Variants in DTD1 observed in about 807,000 individuals in gnomAD.
DTD1 encodes D-aminoacyl-tRNA deacylase 1.
A neutral mutation model predicts 25.6 loss-of-function variants in DTD1; 13 were observed. That is an observed-to-expected ratio of 0.51 (90% CI 0.33 to 0.81). The LOEUF is 0.81. Among genes scored for constraint, DTD1 ranks in the 30% least tolerant of loss-of-function variants. The pLI is 0.02. For missense variants in DTD1, 193 were observed against 266.4 expected (o/e 0.72, Z 1.92); for synonymous variants, 110 against 103.6 (o/e 1.06, Z -0.37).
chr20:18,594,975 A>T (rs1352925626), intron 2 of DTD1, among the ~76,000 whole-genome samples: 1 of 152,212 alleles, frequency 6.6e-6, no homozygotes, highest in Non-Finnish European at 1.5e-5. Flanking sequence ...TAGTATTTAT[A>T]GAGTCTTTGA....
Position 18,681,114 on chromosome 20 carries a change from G to A in DTD1, c.477+52881G>A, listed in dbSNP as rs116055818. 4.9e-3 allele frequency among the ~76,000 whole-genome samples: 752 copies of A among 152,272 alleles called. 9 individuals carry two copies. Among genetic ancestry groups the A allele is most frequent in the African/African-American group, 0.017 (724 of 41,536 alleles). On this transcript the variant is annotated intron_variant, in intron 4 of 5. Transcript: ENST00000377452. ...GTTGTTGTGTGTTTCTACGCCGGGT[G>A]AGTGGTTTGGAGCTTTTTATCTGAG...
chr20:18,594,321 C>T (rs1017923816), intron 2 of DTD1, among the ~76,000 whole-genome samples: 17 of 152,122 alleles, frequency 1.1e-4, no homozygotes, highest in African/African-American at 4.1e-4. Flanking sequence ...GATCTTTTTA[C>T]TAAGGTGGTG....
intron 4 of DTD1, chr20:18,631,752 A>G: frequency 1.0e-6 from 1 of 985,132 alleles, no homozygotes; most frequent in South Asian, 4.7e-5. Context: ...CTCTGGTTTT[A>G]TTTGATCATT....
At chr20:18,596,306 AGCT>A in intron 3 of DTD1, 65 bp downstream of exon 3, 1 of 1,343,336 alleles carries the variant, frequency 7.4e-7, no homozygotes, top group Non-Finnish European at 1.0e-6. Context: ...AGAAAAAAGA[AGCT>A]GCAACTGCAG....
At chr20:18,593,596 C>T (rs930600651) in intron 1 of DTD1, 135 bp from the exon 2 acceptor site, 17 of 632,478 alleles carry the variant, frequency 2.7e-5, no homozygotes, top group African/African-American at 1.3e-4. Flanking sequence ...TTTTCATTTT[C>T]GAATACGTAC....
At chr20:18,613,164 T>C (rs1338661124) in intron 3 of DTD1, among the ~76,000 whole-genome samples, 4 of 152,178 alleles carry the variant, frequency 2.6e-5, no homozygotes, top group African/African-American at 9.6e-5. Context: ...GGAGATGTTA[T>C]TGGTTCCATT....
chr20:18,631,424 T>C (rs1361571401), intron 4 of DTD1: 1 of 985,752 alleles, frequency 1.0e-6, no homozygotes, highest in African/African-American at 1.7e-5. Flanking sequence ...CTCAGCAGCT[T>C]CCTGGAAGCC....
chr20:18,713,772 C>T (rs578161947), intron 4 of DTD1, among the ~76,000 whole-genome samples: 1 of 152,356 alleles, frequency 6.6e-6, no homozygotes, highest in Admixed American at 6.5e-5. Context: ...TTGAAGGCTG[C>T]ACTGAAGACC....
intron 4 of DTD1, among the ~76,000 whole-genome samples, chr20:18,732,897 C>T (rs1222471610): frequency 6.6e-6 from 1 of 152,174 alleles, no homozygotes; most frequent in Non-Finnish European, 1.5e-5. Flanking sequence ...AATATGTAGA[C>T]ACGTAAACCA....
At chr20:18,592,219 A>G (rs1323070630) in intron 1 of DTD1, 2 of 152,256 alleles carry the variant, frequency 1.3e-5, no homozygotes, top group Non-Finnish European at 2.9e-5. Context: ...TCCGATTAGC[A>G]CATTAGGTCA....
intron 2 of DTD1, among the ~76,000 whole-genome samples, chr20:18,594,238 A>G (rs544614813): frequency 3.0e-4 from 46 of 152,262 alleles, no homozygotes; most frequent in African/African-American, 1.1e-3. Flanking sequence ...TGCTTGCCCC[A>G]GATCATGCAC....
intron 4 of DTD1, among the ~76,000 whole-genome samples, chr20:18,719,092 A>G (rs550481266): frequency 2.0e-5 from 3 of 152,358 alleles, no homozygotes; most frequent in South Asian, 2.1e-4. Context: ...TATGTTTTCA[A>G]CTTACAATGG....
At chr20:18,748,339 A>G (rs1419859595) in intron 5 of DTD1, among the ~76,000 whole-genome samples, 1 of 152,182 alleles carries the variant, frequency 6.6e-6, no homozygotes, top group East Asian at 1.9e-4. Flanking sequence ...TTTTTGCTTT[A>G]TATCTGATCA....
intron 1 of DTD1, chr20:18,588,972 T>C: frequency 1.3e-6 from 1 of 747,192 alleles, no homozygotes; most frequent in Non-Finnish European, 1.6e-6. Context: ...AACTATATTG[T>C]TTCAGTTCAA....
chr20:18,750,192 A>G (rs949847619), intron 5 of DTD1, among the ~76,000 whole-genome samples: 3 of 152,150 alleles, frequency 2.0e-5, no homozygotes, highest in Admixed American at 6.5e-5. Flanking sequence ...TGGCATTCCA[A>G]TGATATATTT....
chr20:18,639,182 GAAA>G (rs56353252), intron 4 of DTD1, among the ~76,000 whole-genome samples: 1 of 118,250 alleles, frequency 8.5e-6, no homozygotes, highest in Non-Finnish European at 1.7e-5. Flanking sequence ...TTTTTTTTAA[GAAA>G]AAAAAAAAAA....
intron 5 of DTD1, among the ~76,000 whole-genome samples, chr20:18,748,940 G>T (rs1338345636): frequency 6.6e-6 from 1 of 152,150 alleles, no homozygotes; most frequent in East Asian, 1.9e-4. Context: ...AGGCAGTTGT[G>T]TTTTTCCTTC....
chr20:18,615,247 C>T (rs182436402), intron 3 of DTD1, among the ~76,000 whole-genome samples: 1 of 152,108 alleles, frequency 6.6e-6, no homozygotes, highest in African/African-American at 2.4e-5. Flanking sequence ...CATCTCTAGT[C>T]TTCCACAGCT....
At chr20:18,712,863 C>T (rs1317720799) in intron 4 of DTD1, among the ~76,000 whole-genome samples, 1 of 152,262 alleles carries the variant, frequency 6.6e-6, no homozygotes, top group Non-Finnish European at 1.5e-5. Context: ...CAAATCCTTT[C>T]GTGTACAGAC....
Sources: gnomAD v4.1 joint callset for allele counts (sites outside exome capture counted in the v4.1 genomes callset) on GRCh38, gnomAD v4.1.1 for gene constraint, MANE v1.5 for transcripts, NCBI Gene and HGNC (gene_info 2026-07-23, HGNC 2026-07-21) for gene names.